The following CGGBP1 variants were observed in gnomAD, a reference collection of about 807,000 sequenced individuals.
CGGBP1 encodes CGG triplet repeat binding protein 1.
In CGGBP1, 4 loss-of-function variants were observed where a neutral mutation model predicts 11.4. The ratio of observed to expected loss-of-function variants is 0.35; its 90% CI spans 0.17 to 0.80. The LOEUF is 0.80. CGGBP1 is among the 30% of genes least tolerant of loss of function. The pLI is 0.52. For synonymous variants in CGGBP1, 76 were observed against 74.1 expected (o/e 1.03, Z -0.13); for missense variants, 135 against 202.1 (o/e 0.67, Z 2.01).
At chr3:88,149,507 T>C (rs1356136749) in intron 1 of CGGBP1, among the ~76,000 whole-genome samples, 1 of 152,282 alleles carries the variant, frequency 6.6e-6, no homozygotes, top group Non-Finnish European at 1.5e-5. Flanking sequence ...CATACTATAA[T>C]GTTAAACAAA....
intron 2 of CGGBP1, among the ~76,000 whole-genome samples, chr3:88,074,632 C>T (rs957825995): frequency 1.1e-4 from 17 of 152,160 alleles, no homozygotes; most frequent in Admixed American, 2.0e-4. Context: ...TGAGCCACTG[C>T]GCCCGGCCTG....
intron 1 of CGGBP1, among the ~76,000 whole-genome samples, 179 bp downstream of exon 1, chr3:88,058,636 G>A (rs1235484708): frequency 6.6e-6 from 1 of 152,216 alleles, no homozygotes; most frequent in African/African-American, 2.4e-5. Flanking sequence ...CTCAAGGGAG[G>A]CGGCGGCAGG....
chr3:88,138,627 T>G (rs1706946052), intron 2 of CGGBP1: 2 of 830,638 alleles, frequency 2.4e-6, no homozygotes, highest in South Asian at 6.3e-5. Context: ...TTTTAAGAGT[T>G]GTGTTTTTTA....
In CGGBP1 at chr3:88,058,002, C is replaced by G. The variant is rs552418494; in HGVS notation, c.-126+17G>C. On this transcript the variant is annotated intron_variant, in intron 2 of 3. Coordinates refer to ENST00000482016, the MANE Select transcript of CGGBP1 (RefSeq NM_001008390.2). The stretch of plus-strand genomic sequence containing the variant: ...CAAAAGAAAACTCATCATAAGTTTT[C>G]AAGTTTAAATGTTTACCGGATTAGT... 8.5e-5 allele frequency: 13 copies of G among 152,310 alleles called. No homozygotes were observed. Among genetic ancestry groups the G allele is most frequent in the African/African-American group, 2.2e-4 (9 of 41,568 alleles). 9.4% of individuals were successfully genotyped at this position (152,310 alleles called of 1,614,324 possible). A position where few individuals can be genotyped will look rare whatever the true frequency, so the allele number is the denominator to read the frequency against.
intron 2 of CGGBP1, among the ~76,000 whole-genome samples, chr3:88,126,846 A>G (rs1332968584): frequency 1.3e-5 from 2 of 152,190 alleles, no homozygotes; most frequent in Non-Finnish European, 2.9e-5. Flanking sequence ...ATTCTAGAGC[A>G]GTATTTCCCA....
At chr3:88,135,078 G>T in intron 2 of CGGBP1, 1 of 1,433,810 alleles carries the variant, frequency 7.0e-7, no homozygotes, top group Non-Finnish European at 9.1e-7. Context: ...ATTTTCATAT[G>T]GAGTAAACTA....
At chr3:88,085,507 G>T (rs6790426) in intron 2 of CGGBP1, among the ~76,000 whole-genome samples, 119,216 of 152,146 alleles carry the variant, frequency 0.78, 47,619 homozygotes, top group South Asian at 0.91. Context: ...AAATCAGGCA[G>T]GCAGGCAGTA....
intron 2 of CGGBP1, among the ~76,000 whole-genome samples, chr3:88,114,342 A>C (rs1280763948): frequency 6.6e-6 from 1 of 152,182 alleles, no homozygotes; most frequent in African/African-American, 2.4e-5. Context: ...AACCACTGAA[A>C]TGTTTGGAGT....
At chr3:88,096,628 G>C (rs1396165774) in intron 2 of CGGBP1, among the ~76,000 whole-genome samples, 3 of 152,024 alleles carry the variant, frequency 2.0e-5, no homozygotes, top group African/African-American at 7.3e-5. Flanking sequence ...ATTTTCTTCT[G>C]ATGAAAAATC....
intron 2 of CGGBP1, among the ~76,000 whole-genome samples, chr3:88,104,186 C>T (rs934274204): frequency 6.6e-6 from 1 of 152,046 alleles, no homozygotes; most frequent in Admixed American, 6.5e-5. Context: ...ATAAGCAGCA[C>T]CAGATGCTGG....
At chr3:88,068,647 T>G (rs1480066593) in intron 2 of CGGBP1, among the ~76,000 whole-genome samples, 1 of 152,210 alleles carries the variant, frequency 6.6e-6, no homozygotes, top group African/African-American at 2.4e-5. Flanking sequence ...TATATGTATA[T>G]GCTGTATATA....
chr3:88,056,118 G>A (rs1706536235), intron 3 of CGGBP1, 119 bp from the exon 4 acceptor site: 1 of 675,968 alleles, frequency 1.5e-6, no homozygotes, highest in Non-Finnish European at 2.4e-6. Flanking sequence ...ATTCAAATTA[G>A]TAGACTGTGT....
At chr3:88,126,208 C>A in intron 2 of CGGBP1, 1 of 1,530,230 alleles carries the variant, frequency 6.5e-7, no homozygotes, top group East Asian at 2.5e-5. Context: ...GAGATGGTGG[C>A]CCATGGGAAG....
At position 88,114,619 on chromosome 3, in the gene CGGBP1, T is replaced by G. The variant is rs577102500; in HGVS notation, c.-229+26351A>C. On this transcript the variant is annotated intron_variant, in intron 2 of 3. Transcript: ENST00000462901. ...AAAAATCTCTGCCATTTCTGCCACT[T>G]TTGTTACTGTGGCTTCTTCCTACTC... Among the ~76,000 whole-genome samples, 20 of 152,316 alleles carry G rather than the reference T, an allele frequency of 1.3e-4. No individual in the cohort carries two copies. The South Asian group carries it at 4.1e-3, about 32-fold the overall frequency.
upstream of CGGBP1, chr3:88,059,347 G>A: frequency 1.3e-6 from 2 of 1,534,880 alleles, no homozygotes; most frequent in South Asian, 1.2e-5. Context: ...CGACCAAGAG[G>A]CCGAACGCCT....
intron 2 of CGGBP1, among the ~76,000 whole-genome samples, chr3:88,078,107 A>G (rs1707909188): frequency 2.0e-5 from 3 of 152,318 alleles, no homozygotes; most frequent in Middle Eastern, 3.4e-3. Flanking sequence ...AACTATTGTG[A>G]ATATCGGACT....
intron 2 of CGGBP1, among the ~76,000 whole-genome samples, chr3:88,113,631 G>C (rs1340263670): frequency 6.6e-6 from 1 of 152,074 alleles, no homozygotes; most frequent in African/African-American, 2.4e-5. Flanking sequence ...GGAGAGAAGA[G>C]AGTAAATTCA....
chr3:88,123,443 A>G lies in CGGBP1; in HGVS notation c.-229+17527T>C, dbSNP rs149597559. Among the ~76,000 whole-genome samples, 401 of 152,298 alleles carry G rather than the reference A, an allele frequency of 2.6e-3. 1 individual carries two copies. The highest frequency in any genetic ancestry group is 9.4e-3 in the African/African-American group (390 of 41,570). On this transcript the variant is annotated intron_variant, in intron 2 of 3. Transcript: ENST00000462901. Reference sequence around the variant, plus strand: ...GAGTCAAGTATATAATTCATAATGTAATCATTTATGGGAGTAGACACTAAG... The same window carrying G: ...GAGTCAAGTATATAATTCATAATGTGATCATTTATGGGAGTAGACACTAAG...
intron 2 of CGGBP1, among the ~76,000 whole-genome samples, chr3:88,137,990 A>G (rs377616907): frequency 1.1e-3 from 163 of 152,290 alleles, no homozygotes; most frequent in African/African-American, 3.9e-3. Context: ...AGACACTATT[A>G]TAACTAAGAT....
Sources: allele counts gnomAD v4.1 joint callset (sites outside exome capture counted in the v4.1 genomes callset), GRCh38; gene constraint gnomAD v4.1.1; transcripts MANE v1.5; gene names NCBI Gene and HGNC (gene_info 2026-07-23, HGNC 2026-07-21).